Variants in SPAG17 observed in about 807,000 individuals in gnomAD.
SPAG17 encodes the protein sperm-associated antigen 17.
Under a neutral mutation model 273.6 loss-of-function variants are expected in SPAG17, and 169 were observed. That is an observed-to-expected ratio of 0.62 (90% CI 0.55 to 0.70). SPAG17 has a LOEUF of 0.70. Among genes scored for constraint, SPAG17 ranks in the 30% least tolerant of loss-of-function variants. The pLI is 0.00. For missense variants in SPAG17, 2,557 were observed against 2,627.8 expected (o/e 0.97, Z 0.59); for synonymous variants, 825 against 873.2 (o/e 0.94, Z 0.97).
intron 21 of SPAG17, among the ~76,000 whole-genome samples, 175 bp from the exon 22 acceptor site, chr1:118,041,016 A>G (rs1039603113): frequency 1.3e-5 from 2 of 152,204 alleles, no homozygotes; most frequent in African/African-American, 4.8e-5. Flanking sequence ...CTATGGTGTT[A>G]TAACAGGCAG....
chr1:118,050,270 T>G (rs1029972917), intron 20 of SPAG17, among the ~76,000 whole-genome samples: 8 of 152,202 alleles, frequency 5.3e-5, no homozygotes, highest in African/African-American at 1.9e-4. Context: ...ACTTGATCTC[T>G]CAAGTCACCT....
intron 19 of SPAG17, among the ~76,000 whole-genome samples, chr1:118,054,747 T>C (rs374532599): frequency 6.6e-6 from 1 of 151,938 alleles, no homozygotes; most frequent in East Asian, 1.9e-4. Flanking sequence ...TTTTGGGGGG[T>C]ACTTAATGCT....
chr1:118,109,182 G>A (rs1023696865), intron 4 of SPAG17, among the ~76,000 whole-genome samples: 59 of 146,974 alleles, frequency 4.0e-4, no homozygotes, highest in Admixed American at 2.0e-3. Flanking sequence ...TTGTTCTGTT[G>A]TCAGACTGGA....
At chr1:118,164,983 T>C (rs897146214) in intron 1 of SPAG17, among the ~76,000 whole-genome samples, 2 of 152,230 alleles carry the variant, frequency 1.3e-5, no homozygotes, top group Non-Finnish European at 2.9e-5. Flanking sequence ...AGCCTGGTCC[T>C]TTTATTCAGA....
At chr1:118,045,209 C>CCTA (rs1205940783) in intron 20 of SPAG17, among the ~76,000 whole-genome samples, 1 of 152,164 alleles carries the variant, frequency 6.6e-6, no homozygotes, top group East Asian at 1.9e-4. Context: ...GCATCTTTTG[C>CCTA]TCTAATGAGG....
chr1:118,086,974 C>G lies in SPAG17; in HGVS notation c.1394G>C (p.Ser465Thr), dbSNP rs866963285. ...TGCTCTGGGGGATGGCTCCCGCAGA[C>G]TGGGTGGGACGAGATCTTCTTCAGT... ...VATEEDLVPP[S>T]LREPSPRADG... The change falls in exon 11 of 49, where the codon AGT becomes ACT. Residue 465 changes from serine to threonine, a missense_variant. Physicochemically the swap from Ser to Thr is moderately conservative, Grantham distance 58 (BLOSUM62 1). Transcript: ENST00000336338. The G allele has an allele frequency of 6.3e-7, 1 of 1,578,348 alleles. No individual in the cohort carries two copies. Among genetic ancestry groups the G allele is most frequent in the Non-Finnish European group, 8.6e-7 (1 of 1,166,628 alleles).
At chr1:117,956,414 T>G (rs536656868) in intron 48 of SPAG17, among the ~76,000 whole-genome samples, 1 of 152,322 alleles carries the variant, frequency 6.6e-6, no homozygotes, top group African/African-American at 2.4e-5. Flanking sequence ...TATATATTCC[T>G]TACAAGAAAC....
intron 3 of SPAG17, among the ~76,000 whole-genome samples, chr1:118,118,441 C>G (rs1657220151): frequency 6.6e-6 from 1 of 152,104 alleles, no homozygotes; most frequent in South Asian, 2.1e-4. Flanking sequence ...ATTTAAGCTT[C>G]CAGAACTAGT....
chr1:117,968,801 C>G (rs1309821002), intron 46 of SPAG17, among the ~76,000 whole-genome samples: 2 of 152,190 alleles, frequency 1.3e-5, no homozygotes, highest in Non-Finnish European at 2.9e-5. Context: ...TACTTTTGTG[C>G]ACTGTTCTCA....
chr1:117,963,691 C>G, intron 48 of SPAG17, 108 bp downstream of exon 48: 1 of 1,031,212 alleles, frequency 9.7e-7, no homozygotes, highest in Non-Finnish European at 1.4e-6. Flanking sequence ...TCATTCAGGC[C>G]AGGTGGCTTA....
At chr1:118,023,567 G>T in intron 27 of SPAG17, 104 bp from the exon 28 acceptor site, 1 of 1,135,446 alleles carries the variant, frequency 8.8e-7, no homozygotes, top group Non-Finnish European at 1.2e-6. Context: ...ATGATCCACA[G>T]AAGAAATGCT....
chr1:117,995,127 T>G (rs1454591897), intron 34 of SPAG17, among the ~76,000 whole-genome samples: 1 of 152,128 alleles, frequency 6.6e-6, no homozygotes, highest in Non-Finnish European at 1.5e-5. Context: ...TTATGCTTTC[T>G]CCTTTATGTT....
At chr1:118,172,768 T>A (rs1660478871) in intron 1 of SPAG17, among the ~76,000 whole-genome samples, 1 of 152,146 alleles carries the variant, frequency 6.6e-6, no homozygotes, top group Non-Finnish European at 1.5e-5. Context: ...TCACTTAACA[T>A]TAATAATTGT....
chr1:118,131,393 G>A (rs1288121057), intron 3 of SPAG17, among the ~76,000 whole-genome samples: 1 of 152,136 alleles, frequency 6.6e-6, no homozygotes, highest in African/African-American at 2.4e-5. Context: ...ATCCAGTTTT[G>A]CTCCCCTGGC....
intron 17 of SPAG17, among the ~76,000 whole-genome samples, chr1:118,069,342 C>A (rs555048952): frequency 7.0e-5 from 2 of 28,464 alleles, no homozygotes; most frequent in East Asian, 1.2e-3. Context: ...GAGACTCCGT[C>A]TCAAAAAAAA....
At chr1:118,021,949 C>T (rs1169083128) in intron 28 of SPAG17, among the ~76,000 whole-genome samples, 2 of 152,134 alleles carry the variant, frequency 1.3e-5, no homozygotes, top group African/African-American at 4.8e-5. Flanking sequence ...CAAGGAAAAT[C>T]TGTTTTACTA....
At chr1:118,125,245 A>ATATATATTTTT (rs146004766) in intron 3 of SPAG17, among the ~76,000 whole-genome samples, 23 of 150,828 alleles carry the variant, frequency 1.5e-4, no homozygotes, top group African/African-American at 2.2e-4. Context: ...ATATATATAT[A>ATATATATTTTT]TTTTTGACAT....
At chr1:118,180,904 T>G (rs1660909270) in intron 1 of SPAG17, among the ~76,000 whole-genome samples, 1 of 152,010 alleles carries the variant, frequency 6.6e-6, no homozygotes, top group South Asian at 2.1e-4. Context: ...TCCACTTTAT[T>G]TTCTACAGGA....
intron 1 of SPAG17, among the ~76,000 whole-genome samples, chr1:118,184,721 G>T (rs987669889): frequency 2.0e-5 from 3 of 152,142 alleles, no homozygotes; most frequent in African/African-American, 7.2e-5. Context: ...CCTTTAGAAG[G>T]TTTCAGGAGA....
Sources: gnomAD v4.1 joint callset for allele counts (sites outside exome capture counted in the v4.1 genomes callset) on GRCh38, gnomAD v4.1.1 for gene constraint, MANE v1.5 for transcripts, NCBI Gene and HGNC (gene_info 2026-07-23, HGNC 2026-07-21) for gene names.